NAE1: variants seen among roughly 807,000 people sequenced by gnomAD.
NAE1 encodes NEDD8-activating enzyme E1 regulatory subunit.
Under a neutral mutation model 88.0 loss-of-function variants are expected in NAE1, and 59 were observed. The observed-to-expected ratio is 0.67, with a 90% CI of 0.54 to 0.83. The LOEUF is 0.83. Among genes scored for constraint, NAE1 ranks in the 40% least tolerant of loss-of-function variants. The pLI, the probability that NAE1 is intolerant of heterozygous loss-of-function variation, is 0.00. For synonymous variants in NAE1, 186 were observed against 208.9 expected, an observed-to-expected ratio of 0.89 and a Z score of 0.95; for missense variants, 554 against 632.8, an observed-to-expected ratio of 0.88 and a Z score of 1.34.
In NAE1 at chr16:66,830,869, G is replaced by A. The variant is rs1193721232; in HGVS notation, c.31C>T (p.Gln11Ter). Residue 11 changes from glutamine (Q) to a stop codon, truncating the protein, a stop_gained, in exon 1 of 20, where the codon CAG becomes TAG. Coordinates refer to ENST00000290810, the MANE Select transcript of NAE1 (RefSeq NM_003905.4). LOFTEE classifies it high-confidence loss of function. MAQLGKLLKE[Q>*]KYDRQLRLWG... ...CACCTCAGCTGCCGGTCGTACTTCT[G>A]CTCCTTGAGCAGCTTTCCCAGCTGC... 3 of 1,533,330 alleles carry A rather than the reference G, an allele frequency of 2.0e-6. No individual in the cohort carries two copies. The highest frequency in any genetic ancestry group is 1.4e-5 in the African/African-American group (1 of 69,946). 95.0% of individuals were successfully genotyped at this position (1,533,330 alleles called of 1,614,324 possible).
At chr16:66,809,460 A>G (rs363170) in intron 15 of NAE1, among the ~76,000 whole-genome samples, 15,744 of 152,282 alleles carry the variant, frequency 0.1, 1,090 homozygotes, top group Non-Finnish European at 0.16. Context: ...ATTATGGATA[A>G]GTAGTCCTAA....
At chr16:66,828,190 A>AT (rs1960540261) in intron 1 of NAE1, 1 of 814,688 alleles carries the variant, frequency 1.2e-6, no homozygotes, top group Non-Finnish European at 1.9e-6. Flanking sequence ...GAGTAAATTT[A>AT]AGAATACTGG....
chr16:66,829,885 T>C (rs939481294), intron 1 of NAE1, among the ~76,000 whole-genome samples: 3 of 152,132 alleles, frequency 2.0e-5, no homozygotes, highest in African/African-American at 7.2e-5. Context: ...ATTTATACGA[T>C]AGTTTTGGGG....
At chr16:66,811,560 T>A (rs1959800689) in intron 13 of NAE1, among the ~76,000 whole-genome samples, 3 of 152,126 alleles carry the variant, frequency 2.0e-5, no homozygotes. Context: ...ATTATCTGTA[T>A]CTATACCACT....
chr16:66,807,966 C>A (rs1450264407), intron 17 of NAE1, among the ~76,000 whole-genome samples: 2 of 151,494 alleles, frequency 1.3e-5, no homozygotes, highest in African/African-American at 4.9e-5. Flanking sequence ...TTTAGTGGCA[C>A]AATCACAACT....
chr16:66,830,442 T>G (rs185389130), intron 1 of NAE1, among the ~76,000 whole-genome samples: 1 of 152,236 alleles, frequency 6.6e-6, no homozygotes, highest in Non-Finnish European at 1.5e-5. Context: ...GCGGCTCACA[T>G]GAGACTAGCA....
chr16:66,811,518 T>C (rs1471556959), intron 13 of NAE1, among the ~76,000 whole-genome samples: 1 of 152,174 alleles, frequency 6.6e-6, no homozygotes, highest in Non-Finnish European at 1.5e-5. Context: ...TCTGTATTTA[T>C]TATGAGAGGA....
chr16:66,830,918 G>C lies in NAE1; in HGVS notation c.-19C>G. On this transcript the variant is annotated 5_prime_UTR_variant, in exon 1 of 20. Transcript: ENST00000290810. ...GCGCCATGGCCGCGCCTGCCGCGCG[G>C]AAAACAGCCGAGCCCCTGCGGAGCG... 1 of 1,526,254 alleles carries C rather than the reference G, an allele frequency of 6.6e-7. No individual in the cohort carries two copies. Among genetic ancestry groups the C allele is most frequent in the South Asian group, 1.2e-5 (1 of 83,064 alleles). The allele number at this position is 1,526,254 out of a possible 1,614,324, so 94.5% of individuals were successfully genotyped here. A position where few individuals can be genotyped will look rare whatever the true frequency, so the allele number is the denominator to read the frequency against.
chr16:66,806,193 C>A, intron 17 of NAE1, 167 bp from the exon 18 acceptor site: 1 of 701,894 alleles, frequency 1.4e-6, no homozygotes, highest in Non-Finnish European at 2.1e-6. Context: ...AACCTATAAT[C>A]AGAGACCAAC....
intron 3 of NAE1, 195 bp downstream of exon 3, chr16:66,826,327 TG>T (rs1960461717): frequency 1.7e-6 from 1 of 586,850 alleles, no homozygotes; most frequent in Admixed American, 3.1e-5. Flanking sequence ...ACAGTAATGA[TG>T]GGTAACATTT....
intron 11 of NAE1, among the ~76,000 whole-genome samples, chr16:66,814,106 G>A (rs1959936104): frequency 1.3e-5 from 2 of 152,028 alleles, no homozygotes; most frequent in African/African-American, 4.8e-5. Context: ...TAAAGAAGGG[G>A]CCCCAGTAAA....
chr16:66,811,760 GC>G (rs1377114875), intron 13 of NAE1, among the ~76,000 whole-genome samples: 1 of 152,146 alleles, frequency 6.6e-6, no homozygotes, highest in African/African-American at 2.4e-5. Context: ...CAGTGTTCAG[GC>G]TGACTACCTC....
chr16:66,822,650 T>TTTTA lies in NAE1; in HGVS notation c.401+573_401+576dup, dbSNP rs1262440844. Among the ~76,000 whole-genome samples, 143 of 147,962 alleles carry TTTTA rather than the reference T, an allele frequency of 9.7e-4. 1 individual carries two copies. The Middle Eastern group carries it at 0.011, about 11-fold the overall frequency. On this transcript the variant is annotated intron_variant, in intron 6 of 19. Transcript: ENST00000290810. ...ATGCTGGAAGATTTCTAAGAATTTC[T>TTTTA]TTTATTTATTTATTTATTTATTTAT...
chr16:66,804,255 A>AC (rs397778820), intron 19 of NAE1, among the ~76,000 whole-genome samples: 19 of 151,746 alleles, frequency 1.3e-4, no homozygotes, highest in East Asian at 5.8e-4. Context: ...AAAAAAAAAA[A>AC]CAAAGAAAAC....
chr16:66,817,394 C>T, intron 9 of NAE1, 31 bp downstream of exon 9: 1 of 1,478,788 alleles, frequency 6.8e-7, no homozygotes, highest in African/African-American at 1.4e-5. Flanking sequence ...AATACAGTTG[C>T]ATATGAAATT....
At chr16:66,805,647 A>G in intron 19 of NAE1, 130 bp downstream of exon 19, 2 of 834,208 alleles carry the variant, frequency 2.4e-6, no homozygotes, top group Non-Finnish European at 3.3e-6. Context: ...CAAAAAAAAA[A>G]AAAAGAAAGA....
At position 66,810,678 on chromosome 16, in the gene NAE1, A is replaced by C. The variant is rs756504617; in HGVS notation, c.1110+19T>G. 2 of 1,609,534 alleles carry C rather than the reference A, an allele frequency of 1.2e-6. No homozygotes were observed. The highest frequency in any genetic ancestry group is 1.7e-4 in the Middle Eastern group (1 of 6,054). On this transcript the variant is annotated intron_variant, in intron 14 of 19. Transcript: ENST00000290810. ...TACGTGCTGAGGCCTGTATGGGCACAGTGTGCCCAGTAGCTTACCTGGCCA... is the reference window on the plus strand; with the variant it reads ...TACGTGCTGAGGCCTGTATGGGCACCGTGTGCCCAGTAGCTTACCTGGCCA...
At chr16:66,812,744 C>G (rs1215271071) in intron 13 of NAE1, among the ~76,000 whole-genome samples, 1 of 151,382 alleles carries the variant, frequency 6.6e-6, no homozygotes, top group East Asian at 1.9e-4. Flanking sequence ...TGGTCTTGAT[C>G]TTCTGACCTT....
At chr16:66,819,503 A>G (rs1394951857) in intron 7 of NAE1, among the ~76,000 whole-genome samples, 1 of 152,258 alleles carries the variant, frequency 6.6e-6, no homozygotes, top group African/African-American at 2.4e-5. Context: ...TCATTGCCTC[A>G]GCATCATCTA....
Sources: gnomAD v4.1 joint callset for allele counts (sites outside exome capture counted in the v4.1 genomes callset) on GRCh38, gnomAD v4.1.1 for gene constraint, MANE v1.5 for transcripts, NCBI Gene and HGNC (gene_info 2026-07-23, HGNC 2026-07-21) for gene names.